The following TACC3 variants were observed in gnomAD, a reference collection of about 807,000 sequenced individuals.
TACC3 encodes the protein transforming acidic coiled-coil-containing protein 3.
TACC3 carries 52 observed loss-of-function variants against 86.0 expected under a neutral mutation model. The observed-to-expected ratio is 0.60, with a 90% CI of 0.48 to 0.76. The LOEUF (loss-of-function observed/expected upper bound fraction) is 0.76. Ranked by LOEUF, TACC3 falls within the 30% of genes least tolerant of loss-of-function variation. The pLI is 0.00. For synonymous variants in TACC3, 512 were observed against 430.0 expected (o/e 1.19, Z -2.36); for missense variants, 1,120 against 1,070.4 (o/e 1.05, Z -0.65).
rs1231546787 is a variant in TACC3, at chr4:1,737,585, C to T, written c.1837-13C>T. On this transcript the variant is annotated splice_polypyrimidine_tract_variant and intron_variant, in intron 9 of 15. Transcript: ENST00000313288. ...GGCGAAATGGGTTCCTGTTTCATCC[C>T]CATCTCCCGCAGGTGCCAGGCCCAC... 2.7e-6 allele frequency: 4 copies of T among 1,493,450 alleles called. No individual in the cohort carries two copies. Among genetic ancestry groups the T allele is most frequent in the Non-Finnish European group, 3.6e-6 (4 of 1,116,322 alleles). The allele number at this position is 1,493,450 out of a possible 1,614,324, so 92.5% of individuals were successfully genotyped here. A position where few individuals can be genotyped will look rare whatever the true frequency, so the allele number is the denominator to read the frequency against.
rs11729657 is a variant in TACC3 at position 1,735,858 on chromosome 4, T to C, written c.1748+24T>C. On this transcript the variant is annotated intron_variant, in intron 8 of 15. Transcript: ENST00000313288. This position sits in a 1 kb window ranked among gnomAD's most constrained non-coding sequence, Gnocchi z 4.2. ...AGGTATGTGCGCCGGCCCTCCCTCATGCATGAAGCCTTGAGTGTGGGAAGA... is the reference window on the plus strand; with the variant it reads ...AGGTATGTGCGCCGGCCCTCCCTCACGCATGAAGCCTTGAGTGTGGGAAGA... 1,197,334 of 1,525,202 alleles carry C rather than the reference T, an allele frequency of 0.79. 473,451 individuals carry two copies. Among genetic ancestry groups the C allele is most frequent in the East Asian group, 0.85 (37,366 of 43,836 alleles). The allele number at this position is 1,525,202 out of a possible 1,614,324, so 94.5% of individuals were successfully genotyped here. A position where few individuals can be genotyped will look rare whatever the true frequency, so the allele number is the denominator to read the frequency against.
chr4:1,733,660 A>T (rs55888408), intron 6 of TACC3, among the ~76,000 whole-genome samples: 9,123 of 152,124 alleles, frequency 0.06, 368 homozygotes, highest in Middle Eastern at 0.095. Context: ...TATCTGAAGG[A>T]AAGAAAAAAA....
At chr4:1,720,812 G>C (rs762708316), upstream of TACC3, 1 of 1,593,308 alleles carries the variant, frequency 6.3e-7, no homozygotes, top group Non-Finnish European at 8.5e-7. The surrounding 1 kb of genome is among the most constrained non-coding windows in gnomAD (Gnocchi z 4.4). Context: ...ATAGGCGAGA[G>C]TGAAGGTCAC....
In TACC3 at chr4:1,728,649, T is replaced by C. The variant is rs1201272773; in HGVS notation, c.1247T>C (p.Ile416Thr). The C allele has an allele frequency of 1.2e-6, 2 of 1,613,620 alleles. No individual in the cohort carries two copies. The highest frequency in any genetic ancestry group is 4.5e-5 in the East Asian group (2 of 44,868). ...DWDKMDDPNFIPFGGDTKSGC... is the reference protein window; with the variant it reads ...DWDKMDDPNFTPFGGDTKSGC... ...GACAAAATGGATGACCCAAACTTCA[T>C]CCCGTTCGGAGGTGACACCAAGTCT... The change falls in exon 4 of 16, where the codon ATC becomes ACC. Residue 416 changes from isoleucine (I) to threonine (T), a missense_variant. Coordinates refer to ENST00000313288, the MANE Select transcript of TACC3 (RefSeq NM_006342.3).
At chr4:1,724,379 CTTTT>C (rs35896374) in intron 3 of TACC3, among the ~76,000 whole-genome samples, 15 of 108,356 alleles carry the variant, frequency 1.4e-4, no homozygotes, top group East Asian at 2.5e-4. Flanking sequence ...TCATACTTCA[CTTTT>C]TTTTTTTTTT....
chr4:1,728,485 CG>C lies in TACC3; in HGVS notation c.1085del (p.Gly362AlafsTer6). 2 of 1,613,966 alleles carry C rather than the reference CG, an allele frequency of 1.2e-6. No homozygotes were observed. The highest frequency in any genetic ancestry group is 1.7e-6 in the Non-Finnish European group (2 of 1,180,002). ...PPPRRLGERS[G>X]LKPPLRKAAV... is the part of the protein sequence containing the mutation. ...CACCAAGGAGACTGGGAGAGAGGTCCGGCCTCAAGCCTCCCTTGAGGAAAGC... is the reference window on the plus strand; with the variant it reads ...CACCAAGGAGACTGGGAGAGAGGTCCGCCTCAAGCCTCCCTTGAGGAAAGC... On this transcript the variant is annotated frameshift_variant, in exon 4 of 16. Coordinates refer to ENST00000313288, the MANE Select transcript of TACC3 (RefSeq NM_006342.3). LOFTEE classifies it high-confidence loss of function.
chr4:1,724,998 C>T (rs1016780760), intron 3 of TACC3, among the ~76,000 whole-genome samples: 2 of 139,636 alleles, frequency 1.4e-5, no homozygotes, highest in African/African-American at 5.4e-5. Context: ...ATGGTGCGAT[C>T]TTAACTCACC....
intron 10 of TACC3, chr4:1,738,144 A>C (rs1182110062): frequency 1.2e-5 from 4 of 339,730 alleles, no homozygotes; most frequent in African/African-American, 6.5e-5. Flanking sequence ...CTCACTGTAC[A>C]TGCCAGGCTT....
chr4:1,739,799 G>A (rs1246655861), intron 11 of TACC3, 21 bp downstream of exon 11: 1 of 1,574,864 alleles, frequency 6.3e-7, no homozygotes, highest in African/African-American at 1.4e-5. Context: ...CCCGTCTCCT[G>A]TCCTCCCCGT....
intron 3 of TACC3, among the ~76,000 whole-genome samples, chr4:1,726,731 A>G (rs1462704418): frequency 6.6e-6 from 1 of 152,216 alleles, no homozygotes; most frequent in Non-Finnish European, 1.5e-5. Context: ...GCCCTGGAGC[A>G]TAGGCAGGGG....
intron 4 of TACC3, 134 bp downstream of exon 4, chr4:1,728,921 C>G: frequency 1.1e-6 from 1 of 928,404 alleles, no homozygotes. Flanking sequence ...GGAGGGGCCT[C>G]TGGATAAAAA....
chr4:1,740,507 G>T, intron 12 of TACC3: 1 of 329,410 alleles, frequency 3.0e-6, no homozygotes, highest in Non-Finnish European at 5.6e-6. Flanking sequence ...CACGAAGCAC[G>T]ACGCACATCC....
intron 13 of TACC3, chr4:1,741,419 C>T (rs1718594683): frequency 6.5e-6 from 1 of 154,306 alleles, no homozygotes; most frequent in Non-Finnish European, 1.4e-5. Flanking sequence ...TGTGCAAGGC[C>T]ACCCTGGTGT....
At chr4:1,733,992 A>T (rs1718133334) in intron 6 of TACC3, among the ~76,000 whole-genome samples, 1 of 150,298 alleles carries the variant, frequency 6.7e-6, no homozygotes, top group African/African-American at 2.4e-5. Flanking sequence ...AAAAAAAAAG[A>T]AAAGAAAACT....
intron 10 of TACC3, 33 bp from the exon 11 acceptor site, chr4:1,739,669 G>T (rs372197146): frequency 7.7e-6 from 12 of 1,554,952 alleles, no homozygotes; most frequent in Middle Eastern, 1.9e-4. Flanking sequence ...AGTCTGGCCC[G>T]CCTGCCTGCT....
intron 3 of TACC3, 139 bp downstream of exon 3, chr4:1,724,009 C>A: frequency 1.0e-6 from 1 of 963,044 alleles, no homozygotes. Context: ...CGCTCTGTTG[C>A]CCACGCTGGA....
At chr4:1,742,075 A>C (rs563965339) in intron 13 of TACC3, 1 of 152,234 alleles carries the variant, frequency 6.6e-6, no homozygotes, top group South Asian at 2.1e-4. Context: ...CAGCCTGGGC[A>C]ATAGACCAAG....
rs528136379 is a variant in TACC3, at chr4:1,735,930, C to T, written c.1748+96C>T. 7.9e-5 allele frequency: 70 copies of T among 880,692 alleles called. No individual in the cohort carries two copies. The highest frequency in any genetic ancestry group is 5.9e-4 in the East Asian group (23 of 38,942). 54.6% of individuals were successfully genotyped at this position (880,692 alleles called of 1,614,324 possible). Reference sequence around the variant, plus strand: ...GCTGTCTGCACAGAGGCTTCTAGACCGGGGGGAGATGATCAGAACTGGAAA... The same window carrying T: ...GCTGTCTGCACAGAGGCTTCTAGACTGGGGGGAGATGATCAGAACTGGAAA... On this transcript the variant is annotated intron_variant, in intron 8 of 15. Coordinates refer to ENST00000313288, the MANE Select transcript of TACC3 (RefSeq NM_006342.3). This position sits in a 1 kb window ranked among gnomAD's most constrained non-coding sequence, Gnocchi z 4.2.
chr4:1,732,382 T>A (rs1473094321), intron 6 of TACC3, among the ~76,000 whole-genome samples: 1 of 150,248 alleles, frequency 6.7e-6, no homozygotes, highest in Non-Finnish European at 1.5e-5. Flanking sequence ...GGTTTGTCCG[T>A]AAGATTGGAG....
Sources: allele counts gnomAD v4.1 joint callset (sites outside exome capture counted in the v4.1 genomes callset), GRCh38; gene constraint gnomAD v4.1.1; non-coding constraint Gnocchi (gnomAD v3.1); transcripts MANE v1.5; gene names NCBI Gene and HGNC (gene_info 2026-07-23, HGNC 2026-07-21).